Variants in WDR91 observed in about 807,000 individuals in gnomAD.
WDR91 encodes WD repeat domain 91, also known as WD repeat-containing protein 91.
In WDR91, 52 loss-of-function variants were observed where a neutral mutation model predicts 88.4. The ratio of observed to expected loss-of-function variants is 0.59; its 90% CI spans 0.47 to 0.74. WDR91 has a LOEUF of 0.74. Among genes scored for constraint, WDR91 ranks in the 30% least tolerant of loss-of-function variants. WDR91 has a pLI of 0.00. For synonymous variants in WDR91, 362 were observed against 389.5 expected, an observed-to-expected ratio of 0.93 and a Z score of 0.83; for missense variants, 824 against 954.5, an observed-to-expected ratio of 0.86 and a Z score of 1.80.
At chr7:135,204,459 C>A in intron 5 of WDR91, 26 bp from the exon 6 acceptor site, 1 of 1,611,218 alleles carries the variant, frequency 6.2e-7, no homozygotes, top group South Asian at 1.1e-5. Flanking sequence ...ACCACAGGGT[C>A]AGAGGGCTGA....
chr7:135,186,858 A>G (rs889273544), intron 14 of WDR91, 114 bp downstream of exon 14: 2 of 1,262,692 alleles, frequency 1.6e-6, no homozygotes, highest in Non-Finnish European at 2.3e-6. Context: ...AGGCATCTCC[A>G]CAGCCATGCA....
At chr7:135,208,114 T>C (rs1831870063) in intron 3 of WDR91, among the ~76,000 whole-genome samples, 2 of 152,126 alleles carry the variant, frequency 1.3e-5, no homozygotes, top group South Asian at 4.1e-4. Context: ...CACCCAAGTT[T>C]ATCAGTGCCT....
In WDR91 at chr7:135,209,621, C is replaced by G; in HGVS notation, c.258G>C (p.Lys86Asn). ...LEDIYRPTIH[K>N]LKTSLFRFYL... ...AAAATCGAAACAGGCTGGTTTTCAG[C>G]TTGTGGATTGTGGGTCTGTATATAT... The change falls in exon 2 of 15, where the codon AAG becomes AAC. Residue 86 changes from lysine to asparagine, a missense_variant. Lys to Asn is a moderately conservative substitution (Grantham distance 94). Coordinates refer to ENST00000354475, the MANE Select transcript of WDR91 (RefSeq NM_014149.4). 1 of 1,610,674 alleles carries G rather than the reference C, an allele frequency of 6.2e-7. No individual in the cohort carries two copies. The highest frequency in any genetic ancestry group is 8.5e-7 in the Non-Finnish European group (1 of 1,178,352).
chr7:135,210,615 T>A (rs1388052635), intron 1 of WDR91, among the ~76,000 whole-genome samples: 1 of 152,192 alleles, frequency 6.6e-6, no homozygotes, highest in East Asian at 1.9e-4. Context: ...AGGGTTTGGA[T>A]ATCAATACCA....
chr7:135,195,184 T>A, intron 8 of WDR91, 100 bp from the exon 9 acceptor site: 3 of 1,287,168 alleles, frequency 2.3e-6, no homozygotes, highest in Non-Finnish European at 3.2e-6. Context: ...CTTACTGTTT[T>A]AAAAAAACAA....
At position 135,193,628 on chromosome 7, in the gene WDR91, C is replaced by T. The variant is rs751352810; in HGVS notation, c.1440G>A (p.Thr480=). The change falls in exon 10 of 15, where the codon ACG becomes ACA. Residue 480 remains threonine, a synonymous_variant. Coordinates refer to ENST00000354475, the MANE Select transcript of WDR91 (RefSeq NM_014149.4). ...TTTCACAGAGATTCTTCTTGGCTTC[C>T]GTGTCATAGAGACGCACTGTTCCCA... ...SGVGTVRLYD[T]EAKKNLCEIN... 2.9e-5 allele frequency: 46 copies of T among 1,614,032 alleles called. No individual in the cohort carries two copies. In the Admixed American group the frequency reaches 4.0e-4, roughly 14 times the overall value.
In WDR91 at chr7:135,204,316, G is replaced by A. The variant is rs759785239; in HGVS notation, c.843C>T (p.Gly281=). The part of the protein sequence containing the change: ...KSPSRLSPAQ[G]PPQPQSSAKK... ...TGGCCGAGCTCTGAGGTTGAGGAGGGCCCTGAGCAGGCGACAACCTTGAGG... is the reference window on the plus strand; with the variant it reads ...TGGCCGAGCTCTGAGGTTGAGGAGGACCCTGAGCAGGCGACAACCTTGAGG... The change falls in exon 6 of 15, where the codon GGC becomes GGT. Residue 281 remains glycine, a synonymous_variant. Transcript: ENST00000354475. The A allele has an allele frequency of 6.2e-7, 1 of 1,614,166 alleles. No homozygotes were observed. The highest frequency in any genetic ancestry group is 8.5e-7 in the Non-Finnish European group (1 of 1,180,036).
At chr7:135,207,271 C>A in intron 3 of WDR91, 69 bp from the exon 4 acceptor site, 1 of 1,295,358 alleles carries the variant, frequency 7.7e-7, no homozygotes, top group East Asian at 2.6e-5. Flanking sequence ...CTTGACACAC[C>A]AGTAAAACAC....
chr7:135,186,256 A>G lies in WDR91; in HGVS notation c.2139T>C (p.Pro713=). The G allele has an allele frequency of 6.2e-7, 1 of 1,612,018 alleles. No homozygotes were observed. Among genetic ancestry groups the G allele is most frequent in the Non-Finnish European group, 8.5e-7 (1 of 1,179,186 alleles). ...SCLSLGGHRA[P]VVTVDWSTAM... The stretch of plus-strand genomic sequence containing the variant: ...CAGTGCTCCAGTCCACGGTGACCAC[A>G]GGGGCTCGGTGGCCACCTAGGCTCA... The change falls in exon 15 of 15, where the codon CCT becomes CCC. Residue 713 remains proline, a synonymous_variant. Transcript: ENST00000354475.
Position 135,207,195 on chromosome 7 carries a change from A to G in WDR91, c.519T>C (p.Pro173=), listed in dbSNP as rs746672879. 4 of 1,604,554 alleles carry G rather than the reference A, an allele frequency of 2.5e-6. No individual in the cohort carries two copies. The African/African-American group carries it at 5.4e-5, about 21-fold the overall frequency. Residue 173 remains proline (P), a synonymous_variant, in exon 4 of 15, where the codon CCT becomes CCC. Coordinates refer to ENST00000354475, the MANE Select transcript of WDR91 (RefSeq NM_014149.4). The part of the protein sequence containing the change: ...LSVLFQCMPV[P]VILNFDAECQ... Reference sequence around the variant, plus strand: ...ACTCCGCATCAAAGTTCAGGATCACAGGGACTGGTGCACGAAGTTAAAGAA... The same window carrying G: ...ACTCCGCATCAAAGTTCAGGATCACGGGGACTGGTGCACGAAGTTAAAGAA...
In WDR91 at chr7:135,198,135, T is replaced by A. The variant is rs1459501529; in HGVS notation, c.908A>T (p.Asp303Val). ...SFGGQGTKGK[D>V]PTSGAKDGKS... ...CCCATCCTTGGCTCCGGACGTCGGG[T>A]CCTTTCCCTTGGTGCCCTAGAGGAA... The change falls in exon 7 of 15, where the codon GAC (aspartate) becomes GTC (valine). Residue 303 changes from aspartate (D) to valine (V), a missense_variant. Transcript: ENST00000354475. 1.2e-6 allele frequency: 2 copies of A among 1,612,930 alleles called. No homozygotes were observed. The highest frequency in any genetic ancestry group is 3.3e-5 in the Admixed American group (2 of 59,994).
Position 135,196,037 on chromosome 7 carries a change from C to T in WDR91, c.1244+107G>A, listed in dbSNP as rs1831352197. 1.7e-6 allele frequency: 2 copies of T among 1,160,974 alleles called. No homozygotes were observed. The highest frequency in any genetic ancestry group is 2.1e-4 in the Middle Eastern group (1 of 4,788). 71.9% of individuals were successfully genotyped at this position (1,160,974 alleles called of 1,614,324 possible). A position where few individuals can be genotyped will look rare whatever the true frequency, so the allele number is the denominator to read the frequency against. ...TGACTCTACTGCCATGACTGTGGCCCTCGTCCAAGCCCCCATTCTCCGCCA... is the reference window on the plus strand; with the variant it reads ...TGACTCTACTGCCATGACTGTGGCCTTCGTCCAAGCCCCCATTCTCCGCCA... On this transcript the variant is annotated intron_variant, in intron 8 of 14. Transcript: ENST00000354475. This position sits in a 1 kb window ranked among gnomAD's most constrained non-coding sequence, Gnocchi z 4.2.
At chr7:135,202,113 C>T (rs1447509158) in intron 6 of WDR91, 1 of 152,216 alleles carries the variant, frequency 6.6e-6, no homozygotes, top group African/African-American at 2.4e-5. Flanking sequence ...GAGGAAAAGT[C>T]ATAAAGAAGT....
chr7:135,206,101 C>A, intron 4 of WDR91, 43 bp from the exon 5 acceptor site: 3 of 1,613,572 alleles, frequency 1.9e-6, no homozygotes, highest in Non-Finnish European at 2.5e-6. Flanking sequence ...TCTCACCTAA[C>A]CTTCCCTCTG....
chr7:135,207,174 C>T lies in WDR91; in HGVS notation c.540G>A (p.Ala180=), dbSNP rs377257563. ...GAACCTGGTTAGTCCTCTGACACTC[C>T]GCATCAAAGTTCAGGATCACAGGGA... ...MPVPVILNFD[A]ECQRTNQVQE... is the part of the protein sequence containing the mutation. Residue 180 remains alanine, a synonymous_variant, in exon 4 of 15, where the codon GCG becomes GCA. Coordinates refer to ENST00000354475, the MANE Select transcript of WDR91 (RefSeq NM_014149.4). 41 of 1,607,380 alleles carry T rather than the reference C, an allele frequency of 2.6e-5. No homozygotes were observed. The highest frequency in any genetic ancestry group is 3.2e-5 in the Non-Finnish European group (38 of 1,175,330).
chr7:135,204,141 C>G lies in WDR91; in HGVS notation c.891+127G>C, dbSNP rs1362847168. 7 of 1,088,662 alleles carry G rather than the reference C, an allele frequency of 6.4e-6. No homozygotes were observed. In the Admixed American group the frequency reaches 1.7e-4, roughly 26 times the overall value. 67.4% of individuals were successfully genotyped at this position (1,088,662 alleles called of 1,614,324 possible). On this transcript the variant is annotated intron_variant, in intron 6 of 14. Coordinates refer to ENST00000354475, the MANE Select transcript of WDR91 (RefSeq NM_014149.4). ...ATGAGATTTCAATTCAGAATCTCAT[C>G]AACATGCCCAAGAAATCAGTCCTAA...
chr7:135,187,264 C>T (rs1033653476), intron 13 of WDR91, 95 bp from the exon 14 acceptor site: 63 of 1,288,262 alleles, frequency 4.9e-5, no homozygotes, highest in South Asian at 3.1e-4. Context: ...CAGAGGCTGG[C>T]GAGGGCGACC....
Position 135,186,213 on chromosome 7 carries a change from A to T in WDR91, c.2182T>A (p.Cys728Ser). The change falls in exon 15 of 15, where the codon TGC (cysteine) becomes AGC (serine). Residue 728 changes from cysteine to serine, a missense_variant. Physicochemically the swap from Cys to Ser is moderately radical, Grantham distance 112. Coordinates refer to ENST00000354475, the MANE Select transcript of WDR91 (RefSeq NM_014149.4). ...DWSTAMDCGT[C>S]LTASMDGKIK... is the part of the protein sequence containing the mutation. Reference sequence around the variant, plus strand: ...TTGCCATCCATGGAGGCGGTGAGGCAGGTCCCACAGTCCATGGCAGTGCTC... The same window carrying T: ...TTGCCATCCATGGAGGCGGTGAGGCTGGTCCCACAGTCCATGGCAGTGCTC... 6.2e-7 allele frequency: 1 copy of T among 1,608,238 alleles called. No individual in the cohort carries two copies. The highest frequency in any genetic ancestry group is 1.3e-5 in the African/African-American group (1 of 74,574).
chr7:135,197,936 C>T, intron 7 of WDR91, 57 bp downstream of exon 7: 2 of 1,574,876 alleles, frequency 1.3e-6, no homozygotes, highest in Non-Finnish European at 1.7e-6. Flanking sequence ...AGACCCCCCA[C>T]AGTGTTCCTC....
Sources: gnomAD v4.1 joint callset for allele counts (sites outside exome capture counted in the v4.1 genomes callset) on GRCh38, gnomAD v4.1.1 for gene constraint, Gnocchi (gnomAD v3.1) non-coding constraint, MANE v1.5 for transcripts, NCBI Gene and HGNC (gene_info 2026-07-23, HGNC 2026-07-21) for gene names.